Variants in ADAMTSL1 observed in about 807,000 individuals in gnomAD.
ADAMTSL1 encodes ADAMTS like 1, also known as ADAMTS-like protein 1.
A neutral mutation model predicts 201.8 loss-of-function variants in ADAMTSL1; 126 were observed. That is an observed-to-expected ratio of 0.62 (90% confidence interval 0.54 to 0.72). The LOEUF is 0.72. Among genes scored for constraint, ADAMTSL1 ranks in the 30% least tolerant of loss-of-function variants. ADAMTSL1 has a pLI of 0.00. For synonymous variants in ADAMTSL1, 1,121 were observed against 903.4 expected, an observed-to-expected ratio of 1.24 and a Z score of -4.32; for missense variants, 2,679 against 2,277.8, an observed-to-expected ratio of 1.18 and a Z score of -3.59.
At chr9:18,041,036 C>T (rs1465472851) in intron 1 of ADAMTSL1, among the ~76,000 whole-genome samples, 4 of 152,146 alleles carry the variant, frequency 2.6e-5, no homozygotes, top group Non-Finnish European at 5.9e-5. Context: ...TTACCATCCA[C>T]TAGGGGGGCA....
chr9:17,966,160 C>G (rs1353165659), intron 1 of ADAMTSL1, among the ~76,000 whole-genome samples: 1 of 152,192 alleles, frequency 6.6e-6, no homozygotes, highest in South Asian at 2.1e-4. Context: ...GGGAAACCTT[C>G]TGAATACTCA....
chr9:18,605,252 A>G (rs1347801679), intron 4 of ADAMTSL1, among the ~76,000 whole-genome samples: 1 of 152,210 alleles, frequency 6.6e-6, no homozygotes, highest in African/African-American at 2.4e-5. Context: ...CTGTTTATCT[A>G]TGCAGTTGTT....
chr9:18,709,728 T>A (rs1430303638), intron 14 of ADAMTSL1, among the ~76,000 whole-genome samples: 1 of 152,234 alleles, frequency 6.6e-6, no homozygotes, highest in Admixed American at 6.5e-5. Flanking sequence ...ATTTCCCACA[T>A]GTGAACTGAT....
chr9:18,355,616 C>A (rs190952416), intron 2 of ADAMTSL1, among the ~76,000 whole-genome samples: 1 of 152,296 alleles, frequency 6.6e-6, no homozygotes, highest in Admixed American at 6.5e-5. Flanking sequence ...GAATATTCCC[C>A]AAAGGGAATG....
intron 14 of ADAMTSL1, among the ~76,000 whole-genome samples, chr9:18,718,704 A>G (rs1833129456): frequency 6.6e-6 from 1 of 152,168 alleles, no homozygotes; most frequent in South Asian, 2.1e-4. Flanking sequence ...AGAAGGGCCT[A>G]AGTTCTATCA....
At chr9:18,856,460 A>ATGTTTTT (rs886071305) in intron 23 of ADAMTSL1, among the ~76,000 whole-genome samples, 1 of 112,014 alleles carries the variant, frequency 8.9e-6, no homozygotes, top group Non-Finnish European at 1.7e-5. Context: ...GATAAGAAGG[A>ATGTTTTT]TTTTTTTTTT....
At chr9:18,221,721 G>T (rs1446106178) in intron 2 of ADAMTSL1, among the ~76,000 whole-genome samples, 3 of 151,682 alleles carry the variant, frequency 2.0e-5, no homozygotes, top group Non-Finnish European at 2.9e-5. Flanking sequence ...TTATCTTTTT[G>T]TTATTGGCCT....
chr9:17,980,576 C>G (rs1176011099), intron 1 of ADAMTSL1, among the ~76,000 whole-genome samples: 2 of 151,984 alleles, frequency 1.3e-5, no homozygotes, highest in African/African-American at 4.8e-5. Context: ...TCTTGAAATT[C>G]TAACCCCAGC....
chr9:17,962,760 ATG>A (rs1230914750), intron 1 of ADAMTSL1, among the ~76,000 whole-genome samples: 3 of 152,232 alleles, frequency 2.0e-5, no homozygotes, highest in Non-Finnish European at 2.9e-5. Context: ...AATTTCAGGT[ATG>A]CTTTCATCTG....
chr9:18,378,889 T>G (rs73432624), intron 2 of ADAMTSL1, among the ~76,000 whole-genome samples: 1 of 152,024 alleles, frequency 6.6e-6, no homozygotes, highest in Non-Finnish European at 1.5e-5. Context: ...ATAAACATAA[T>G]TGATAGAGTA....
intron 1 of ADAMTSL1, among the ~76,000 whole-genome samples, chr9:18,131,735 C>A (rs901771061): frequency 6.6e-6 from 1 of 152,062 alleles, no homozygotes; most frequent in African/African-American, 2.4e-5. Flanking sequence ...CTTGACAAAT[C>A]TAGGTGATGA....
intron 15 of ADAMTSL1, among the ~76,000 whole-genome samples, chr9:18,748,307 A>G (rs1311273436): frequency 2.6e-5 from 4 of 152,232 alleles, no homozygotes; most frequent in Non-Finnish European, 5.9e-5. Context: ...ATCTAGGGAC[A>G]CAATCCTTTA....
In ADAMTSL1 at chr9:18,574,523, G is replaced by C. The variant is rs1465723401; in HGVS notation, c.474+257G>C. On this transcript the variant is annotated intron_variant, in intron 4 of 28. Coordinates refer to ENST00000380548, the MANE Select transcript of ADAMTSL1 (RefSeq NM_001040272.6). ...ATAAAAGAATAAAAATTTTTGAATAGTGTTTATCAATTATGTACTAGACTT... is the reference window on the plus strand; with the variant it reads ...ATAAAAGAATAAAAATTTTTGAATACTGTTTATCAATTATGTACTAGACTT... The C allele has an allele frequency of 1.7e-5, 10 of 580,924 alleles. No individual in the cohort carries two copies. In the East Asian group the frequency reaches 2.8e-4, roughly 16 times the overall value. The allele number at this position is 580,924 out of a possible 1,614,324, so 36.0% of individuals were successfully genotyped here. A position where few individuals can be genotyped will look rare whatever the true frequency, so the allele number is the denominator to read the frequency against.
At chr9:18,785,270 A>G (rs911676524) in intron 19 of ADAMTSL1, among the ~76,000 whole-genome samples, 2 of 152,116 alleles carry the variant, frequency 1.3e-5, no homozygotes, top group African/African-American at 4.8e-5. Flanking sequence ...GGGACTTGCC[A>G]CTGTTTTATA....
intron 26 of ADAMTSL1, among the ~76,000 whole-genome samples, chr9:18,902,958 A>T (rs2131611027): frequency 6.6e-6 from 1 of 152,312 alleles, no homozygotes; most frequent in East Asian, 1.9e-4. Flanking sequence ...TAATCCCAAC[A>T]CTTTGGGAGT....
chr9:18,070,058 C>T (rs908188148), intron 1 of ADAMTSL1, among the ~76,000 whole-genome samples: 7 of 152,112 alleles, frequency 4.6e-5, no homozygotes, highest in Admixed American at 6.5e-5. Context: ...TGAGTAAACT[C>T]GTCAGTCTTA....
Position 18,635,977 on chromosome 9 carries a change from T to C in ADAMTSL1, c.636T>C (p.Ser212=), listed in dbSNP as rs1221236084. The C allele has an allele frequency of 2.5e-6, 4 of 1,602,168 alleles. No individual in the cohort carries two copies. The highest frequency in any genetic ancestry group is 3.4e-6 in the Non-Finnish European group (4 of 1,177,460). Residue 212 remains serine (S), a synonymous_variant, in exon 6 of 29, where the codon AGT becomes AGC. Coordinates refer to ENST00000380548, the MANE Select transcript of ADAMTSL1 (RefSeq NM_001040272.6). ...CTGTGGTTGCAATTCCCTATGGAAG[T>C]AGACATATTCGCCTTGTCTTAAAAG... ...DDTVVAIPYG[S]RHIRLVLKGP... is the part of the protein sequence containing the mutation.
chr9:18,706,894 C>G lies in ADAMTSL1; in HGVS notation c.1722C>G (p.Ser574=), dbSNP rs1194651197. The stretch of plus-strand genomic sequence containing the variant: ...AGTGTGAAGGGCCCAAGCCAGCATC[C>G]CAGCGTGCCTGTTATGCAGGCCCAT... ...IDECEGPKPA[S]QRACYAGPCS... is the part of the protein sequence containing the mutation. Residue 574 remains serine, a synonymous_variant, in exon 14 of 29, where the codon TCC becomes TCG. Transcript: ENST00000380548. 6.2e-7 allele frequency: 1 copy of G among 1,613,834 alleles called. No individual in the cohort carries two copies. The highest frequency in any genetic ancestry group is 1.7e-5 in the Admixed American group (1 of 59,998).
chr9:18,414,431 C>A (rs965191736), intron 2 of ADAMTSL1, among the ~76,000 whole-genome samples: 2 of 152,046 alleles, frequency 1.3e-5, no homozygotes, highest in African/African-American at 4.8e-5. Context: ...ATAATAGTTT[C>A]CACTTCTGGA....
Sources: gnomAD v4.1 joint callset for allele counts (sites outside exome capture counted in the v4.1 genomes callset) on GRCh38, gnomAD v4.1.1 for gene constraint, MANE v1.5 for transcripts, NCBI Gene and HGNC (gene_info 2026-07-23, HGNC 2026-07-21) for gene names.